The following PARP8 variants were observed in gnomAD, a reference collection of about 807,000 sequenced individuals.
PARP8 encodes the protein poly(ADP-ribose) polymerase family member 8.
A neutral mutation model predicts 124.1 loss-of-function variants in PARP8; 51 were observed. The ratio of observed to expected loss-of-function variants is 0.41; its 90% CI spans 0.33 to 0.52. The LOEUF is 0.52. Ranked by LOEUF, PARP8 falls within the 20% of genes least tolerant of loss-of-function variation. The pLI is 0.21. For missense variants in PARP8, 860 were observed against 1,018.9 expected (o/e 0.84, Z 2.12); for synonymous variants, 391 against 361.5 (o/e 1.08, Z -0.93).
At chr5:50,822,923 G>A (rs1745927217) in intron 17 of PARP8, among the ~76,000 whole-genome samples, 1 of 152,210 alleles carries the variant, frequency 6.6e-6, no homozygotes, top group Non-Finnish European at 1.5e-5. Context: ...ATCGGGGTTT[G>A]TTAGGAAAAT....
chr5:50,796,883 A>G (rs566007999), intron 12 of PARP8, 99 bp from the exon 13 acceptor site: 3 of 1,020,692 alleles, frequency 2.9e-6, no homozygotes, highest in East Asian at 2.7e-5. Context: ...GTGATCTTAA[A>G]TCACTTTCGT....
intron 2 of PARP8, among the ~76,000 whole-genome samples, chr5:50,708,754 TC>T (rs1267743051): frequency 6.6e-6 from 1 of 151,272 alleles, no homozygotes; most frequent in East Asian, 1.9e-4. Context: ...CTGTGGAGAC[TC>T]CTGTCTTAGG....
chr5:50,788,489 T>G, intron 9 of PARP8, 34 bp from the exon 10 acceptor site: 1 of 1,594,410 alleles, frequency 6.3e-7, no homozygotes. Flanking sequence ...CAGTTTCAAG[T>G]CAATATGTGA....
intron 2 of PARP8, among the ~76,000 whole-genome samples, chr5:50,702,579 C>T (rs1241186219): frequency 6.6e-6 from 1 of 152,194 alleles, no homozygotes; most frequent in Admixed American, 6.5e-5. Context: ...GAGGCTCTTG[C>T]TTTTGACATC....
In PARP8 at chr5:50,842,180, C is replaced by A; in HGVS notation, c.*112C>A. 1 of 702,114 alleles carries A rather than the reference C, an allele frequency of 1.4e-6. No individual in the cohort carries two copies. The highest frequency in any genetic ancestry group is 2.3e-6 in the Non-Finnish European group (1 of 427,418). 43.5% of individuals were successfully genotyped at this position (702,114 alleles called of 1,614,324 possible). ...ATTGTTATTATAAACAAAATTAACC[C>A]TTTGAATACTGATTTTTTTTCTTAG... On this transcript the variant is annotated 3_prime_UTR_variant, in exon 26 of 26. Coordinates refer to ENST00000281631, the MANE Select transcript of PARP8 (RefSeq NM_024615.4).
chr5:50,832,645 C>T (rs1234674143), intron 22 of PARP8, 136 bp from the exon 23 acceptor site: 3 of 732,824 alleles, frequency 4.1e-6, no homozygotes, highest in Admixed American at 5.5e-5. Context: ...GCTAAGGGCA[C>T]AGCCCTTTGT....
chr5:50,743,643 C>T (rs990490621), intron 2 of PARP8, among the ~76,000 whole-genome samples: 30 of 152,040 alleles, frequency 2.0e-4, no homozygotes, highest in African/African-American at 7.2e-4. Context: ...AGACTGAGAC[C>T]TAACCAGGCA....
intron 2 of PARP8, among the ~76,000 whole-genome samples, chr5:50,731,240 A>AT (rs951588238): frequency 1.3e-5 from 2 of 152,102 alleles, no homozygotes; most frequent in African/African-American, 4.8e-5. Flanking sequence ...TCACATGTAC[A>AT]TTTTTTTCCA....
At chr5:50,834,306 T>C (rs949840770) in intron 24 of PARP8, among the ~76,000 whole-genome samples, 1 of 152,202 alleles carries the variant, frequency 6.6e-6, no homozygotes, top group African/African-American at 2.4e-5. Flanking sequence ...TATATCTTTC[T>C]GATCAAGTAA....
intron 2 of PARP8, among the ~76,000 whole-genome samples, chr5:50,671,928 A>G (rs1298787429): frequency 6.6e-6 from 1 of 152,198 alleles, no homozygotes; most frequent in Non-Finnish European, 1.5e-5. Context: ...GGTCATGGAT[A>G]TATTGGCATC....
chr5:50,767,858 A>G (rs77367282), intron 7 of PARP8, among the ~76,000 whole-genome samples: 2,182 of 152,328 alleles, frequency 0.014, 60 homozygotes, highest in African/African-American at 0.049. Context: ...TTCAGATGAC[A>G]TGGGAAGGTG....
chr5:50,765,262 C>CA (rs961956367), intron 7 of PARP8, among the ~76,000 whole-genome samples: 2,343 of 138,540 alleles, frequency 0.017, 59 homozygotes, highest in African/African-American at 0.057. Context: ...AACTCCGTCT[C>CA]AAAAAAAAAA....
At position 50,828,402 on chromosome 5, in the gene PARP8, T is replaced by C. The variant is rs1746579258; in HGVS notation, c.2163+18T>C. On this transcript the variant is annotated intron_variant, in intron 21 of 25. Coordinates refer to ENST00000281631, the MANE Select transcript of PARP8 (RefSeq NM_024615.4). ...GATTGCAGGTAGATTTTCTGAATGC[T>C]TTCACAAGACTTCATTCTTCTTCAG... 2 of 1,598,272 alleles carry C rather than the reference T, an allele frequency of 1.3e-6. No individual in the cohort carries two copies. The highest frequency in any genetic ancestry group is 1.1e-5 in the South Asian group (1 of 90,574).
At chr5:50,789,643 G>C (rs146432182) in intron 10 of PARP8, among the ~76,000 whole-genome samples, 2 of 152,108 alleles carry the variant, frequency 1.3e-5, no homozygotes, top group African/African-American at 4.8e-5. Flanking sequence ...ACCTCAGTTC[G>C]CCATGGTCAG....
chr5:50,731,673 T>C (rs924390845), intron 2 of PARP8, among the ~76,000 whole-genome samples: 2 of 152,226 alleles, frequency 1.3e-5, no homozygotes, highest in Admixed American at 1.3e-4. Flanking sequence ...TATTTATAGA[T>C]TTCTTACTAT....
chr5:50,762,008 C>A (rs1351622440), intron 6 of PARP8, 110 bp downstream of exon 6: 7 of 525,834 alleles, frequency 1.3e-5, no homozygotes, highest in Non-Finnish European at 2.4e-5. Context: ...GTTCAGGGTT[C>A]TGTAACTAAC....
chr5:50,837,500 G>T (rs1395380897), intron 25 of PARP8, among the ~76,000 whole-genome samples: 1 of 152,008 alleles, frequency 6.6e-6, no homozygotes, highest in Non-Finnish European at 1.5e-5. Context: ...TTAATTTTTT[G>T]ATACATTATG....
Position 50,759,654 on chromosome 5 carries a change from G to A in PARP8, c.196G>A (p.Val66Met), listed in dbSNP as rs200585713. ...VSEDYPDNTY[V>M]SSSENDEDVL... The stretch of plus-strand genomic sequence containing the variant: ...TTTTTTTTTTGCAGATAATACATAT[G>A]TGTCAAGTTCAGAGAATGATGAAGA... Residue 66 changes from valine (V) to methionine (M), a missense_variant, in exon 4 of 26, where the codon GTG becomes ATG. Transcript: ENST00000281631. The A allele has an allele frequency of 6.6e-6, 9 of 1,372,628 alleles. No homozygotes were observed. Among genetic ancestry groups the A allele is most frequent in the Non-Finnish European group, 7.8e-6 (8 of 1,028,120 alleles). The allele number at this position is 1,372,628 out of a possible 1,614,324, so 85.0% of individuals were successfully genotyped here.
At chr5:50,831,957 C>T (rs1428466288) in intron 22 of PARP8, among the ~76,000 whole-genome samples, 1 of 152,140 alleles carries the variant, frequency 6.6e-6, no homozygotes. Context: ...AGCTTCTCTG[C>T]ATATATATCC....
Sources: allele counts gnomAD v4.1 joint callset (sites outside exome capture counted in the v4.1 genomes callset), GRCh38; gene constraint gnomAD v4.1.1; transcripts MANE v1.5; gene names NCBI Gene and HGNC (gene_info 2026-07-23, HGNC 2026-07-21).